Variants in GATAD1 observed in about 807,000 individuals in gnomAD.
GATAD1 encodes GATA zinc finger domain-containing protein 1.
GATAD1 carries 12 observed loss-of-function variants against 26.5 expected under a neutral mutation model. The ratio of observed to expected loss-of-function variants is 0.45; its 90% CI spans 0.29 to 0.73. The LOEUF (loss-of-function observed/expected upper bound fraction) is 0.73, where lower values mean the gene tolerates loss of function less well. Among genes scored for constraint, GATAD1 ranks in the 30% least tolerant of loss-of-function variants. The pLI is 0.10. For missense variants in GATAD1, 266 were observed against 342.1 expected (o/e 0.78, Z 1.75); for synonymous variants, 129 against 133.1 (o/e 0.97, Z 0.21).
downstream of GATAD1, chr7:92,463,120 A>C (rs368504431): frequency 6.6e-6 from 1 of 152,258 alleles, no homozygotes; most frequent in African/African-American, 2.4e-5. Context: ...GTTAATGGAA[A>C]TAAGCCAAAC....
At chr7:92,450,594 C>A in intron 2 of GATAD1, 107 bp from the exon 3 acceptor site, 1 of 653,406 alleles carries the variant, frequency 1.5e-6, no homozygotes, top group Non-Finnish European at 2.7e-6. Flanking sequence ...TGTCACCAAA[C>A]AATACATTTT....
the GATAD1 span, chr7:92,475,019 A>C: frequency 2.6e-5 from 4 of 152,154 alleles, no homozygotes; most frequent in African/African-American, 9.7e-5. Flanking sequence ...ATAGGGAGGT[A>C]GACTCTGAAG....
At chr7:92,475,922 T>G in the GATAD1 span, among the ~76,000 whole-genome samples, 2 of 152,238 alleles carry the variant, frequency 1.3e-5, no homozygotes, top group African/African-American at 4.8e-5. Context: ...CTTTAAGGCT[T>G]GGCTGAGTGC....
chr7:92,494,121 G>C, the GATAD1 span: 1 of 622,740 alleles, frequency 1.6e-6, no homozygotes, highest in Non-Finnish European at 2.9e-6. Context: ...GCCAAAAAAA[G>C]GCTTTGCATC....
At chr7:92,472,394 A>G in the GATAD1 span, 3 of 152,238 alleles carry the variant, frequency 2.0e-5, no homozygotes, top group East Asian at 5.8e-4. Context: ...CCCGTAAACA[A>G]TGAGGTCAAC....
chr7:92,468,842 C>T, the GATAD1 span: 4 of 764,384 alleles, frequency 5.2e-6, no homozygotes, highest in Non-Finnish European at 7.2e-6. Context: ...CCTTTGATGT[C>T]ATTAACATCA....
chr7:92,448,057 C>G (rs1284710027), intron 1 of GATAD1, 79 bp downstream of exon 1: 3 of 1,073,288 alleles, frequency 2.8e-6, no homozygotes, highest in Non-Finnish European at 3.5e-6. Context: ...TGGGAGCGGG[C>G]GGGCGCGGGC....
At chr7:92,487,483 G>A in the GATAD1 span, 6 of 1,594,404 alleles carry the variant, frequency 3.8e-6, no homozygotes, top group African/African-American at 1.3e-5. Flanking sequence ...TTCTGTCCAG[G>A]TCGAAACATT....
chr7:92,489,176 A>G, the GATAD1 span: 1 of 963,634 alleles, frequency 1.0e-6, no homozygotes, highest in East Asian at 2.7e-5. Context: ...TATTTTTTGA[A>G]TTAGCTTTTA....
rs1264905843 is a variant in GATAD1 at position 92,457,845 on chromosome 7, C to T, written c.*1283C>T. 1 of 152,140 alleles carries T rather than the reference C, an allele frequency of 6.6e-6. No individual in the cohort carries two copies. The allele number at this position is 152,140 out of a possible 1,614,324, so 9.4% of individuals were successfully genotyped here. ...TTTTATTAGCCCAGGCTTTTAAAAA[C>T]TTTCATCTAGGCCACGTGCGGTGGC... On this transcript the variant is annotated 3_prime_UTR_variant, in exon 5 of 5. Coordinates refer to ENST00000287957, the MANE Select transcript of GATAD1 (RefSeq NM_021167.5).
the GATAD1 span, among the ~76,000 whole-genome samples, chr7:92,467,913 G>A: frequency 6.6e-6 from 1 of 152,198 alleles, no homozygotes; most frequent in Non-Finnish European, 1.5e-5. Context: ...AGGAACCAGG[G>A]CCCTTCTGTT....
the GATAD1 span, among the ~76,000 whole-genome samples, chr7:92,484,050 C>T: frequency 1.3e-5 from 2 of 152,080 alleles, no homozygotes; most frequent in South Asian, 2.1e-4. Flanking sequence ...AATGCCTGGA[C>T]GTCAGGCATC....
chr7:92,483,679 G>A, the GATAD1 span, among the ~76,000 whole-genome samples: 1 of 152,224 alleles, frequency 6.6e-6, no homozygotes, highest in East Asian at 1.9e-4. Flanking sequence ...TAAAGAAAAA[G>A]GAGCATTAAC....
the GATAD1 span, chr7:92,468,653 C>T: frequency 3.4e-6 from 2 of 595,838 alleles, no homozygotes; most frequent in Admixed American, 6.2e-5. Flanking sequence ...ACCTTCCCAG[C>T]TAGGCTTAGG....
the GATAD1 span, among the ~76,000 whole-genome samples, chr7:92,475,759 G>A: frequency 6.6e-6 from 1 of 152,196 alleles, no homozygotes; most frequent in African/African-American, 2.4e-5. Context: ...TCAGGGGTGA[G>A]TCCTAGAGCT....
the GATAD1 span, among the ~76,000 whole-genome samples, chr7:92,494,798 TA>T: frequency 2.0e-5 from 3 of 151,202 alleles, no homozygotes; most frequent in African/African-American, 7.3e-5. Context: ...TAATTACATA[TA>T]AATACATATA....
chr7:92,450,239 T>A (rs1789367992), intron 2 of GATAD1: 1 of 153,986 alleles, frequency 6.5e-6, no homozygotes, highest in Non-Finnish European at 1.4e-5. Flanking sequence ...TTCTAAAGCC[T>A]TAGTTTCAGC....
At chr7:92,454,377 A>G in intron 3 of GATAD1, 125 bp from the exon 4 acceptor site, 1 of 723,412 alleles carries the variant, frequency 1.4e-6, no homozygotes, top group Non-Finnish European at 2.4e-6. Flanking sequence ...AAACACTGAT[A>G]CATTAGACTA....
At chr7:92,490,192 G>T in the GATAD1 span, 1 of 412,268 alleles carries the variant, frequency 2.4e-6, no homozygotes. Flanking sequence ...AATGCCCAAG[G>T]ACAGGTTTCT....
Sources: gnomAD v4.1 joint callset for allele counts (sites outside exome capture counted in the v4.1 genomes callset) on GRCh38, gnomAD v4.1.1 for gene constraint, MANE v1.5 for transcripts, NCBI Gene and HGNC (gene_info 2026-07-23, HGNC 2026-07-21) for gene names.